Variants in LGSN observed in about 807,000 individuals in gnomAD.
The protein encoded by LGSN is lengsin, lens protein with glutamine synthetase domain.
In LGSN, 21 loss-of-function variants were observed where a neutral mutation model predicts 19.5. That is an observed-to-expected ratio of 1.07 (90% CI 0.76 to 1.55). The LOEUF is 1.55. Among genes scored for constraint, LGSN ranks in the 40% most tolerant of loss-of-function variants. The pLI is 0.00. For missense variants in LGSN, 673 were observed against 608.5 expected (o/e 1.11, Z -1.12); for synonymous variants, 257 against 215.6 (o/e 1.19, Z -1.68).
chr6:63,375,943 A>G, the LGSN span, among the ~76,000 whole-genome samples: 1 of 152,130 alleles, frequency 6.6e-6, no homozygotes, highest in Non-Finnish European at 1.5e-5. Flanking sequence ...CTTAGAACCA[A>G]ATGAAGTGAA....
At chr6:63,550,988 A>G in the LGSN span, among the ~76,000 whole-genome samples, 2 of 152,218 alleles carry the variant, frequency 1.3e-5, no homozygotes, top group Non-Finnish European at 2.9e-5. Context: ...ATACATGACC[A>G]TAATTACCTG....
At chr6:63,450,597 A>G in the LGSN span, among the ~76,000 whole-genome samples, 2 of 151,916 alleles carry the variant, frequency 1.3e-5, no homozygotes, top group Admixed American at 1.3e-4. Context: ...ACGTTAGTAA[A>G]CATGTTATCT....
At chr6:63,572,590 G>GCCGCCA in the LGSN span, 1 of 415,940 alleles carries the variant, frequency 2.4e-6, no homozygotes, top group Non-Finnish European at 4.2e-6. Flanking sequence ...CGCCTGCATC[G>GCCGCCA]CCGCCACCGC....
chr6:63,414,453 T>C, the LGSN span, among the ~76,000 whole-genome samples: 1 of 152,154 alleles, frequency 6.6e-6, no homozygotes. Flanking sequence ...AGATATGTAT[T>C]CTTTAGAAAA....
the LGSN span, among the ~76,000 whole-genome samples, chr6:63,399,207 G>A: frequency 3.2e-4 from 48 of 152,110 alleles, no homozygotes; most frequent in Non-Finnish European, 6.2e-4. Context: ...ACAGTATTCA[G>A]TACAGTAATG....
chr6:63,527,267 G>C, the LGSN span, among the ~76,000 whole-genome samples: 1 of 152,130 alleles, frequency 6.6e-6, no homozygotes, highest in Non-Finnish European at 1.5e-5. Flanking sequence ...CTTCTGAATT[G>C]CTTGTGTCTA....
chr6:63,535,956 A>G, the LGSN span, among the ~76,000 whole-genome samples: 19 of 151,774 alleles, frequency 1.3e-4, no homozygotes, highest in South Asian at 6.3e-4. Flanking sequence ...TATTTTTTGT[A>G]GAGACAGTGT....
the LGSN span, among the ~76,000 whole-genome samples, chr6:63,479,310 A>G: frequency 1.3e-5 from 2 of 152,132 alleles, no homozygotes; most frequent in Non-Finnish European, 2.9e-5. Context: ...GACAAACAAC[A>G]TTCACTATAA....
chr6:63,508,017 T>A, the LGSN span, among the ~76,000 whole-genome samples: 15 of 151,172 alleles, frequency 9.9e-5, no homozygotes, highest in African/African-American at 3.7e-4. Context: ...TATACCTAGT[T>A]GGATCCTAAT....
At chr6:63,465,167 C>G in the LGSN span, among the ~76,000 whole-genome samples, 2 of 151,938 alleles carry the variant, frequency 1.3e-5, no homozygotes, top group Non-Finnish European at 2.9e-5. Context: ...CGTCTATTTC[C>G]TTTTCGTTGT....
the LGSN span, among the ~76,000 whole-genome samples, chr6:63,461,648 G>A: frequency 0.019 from 2,874 of 152,248 alleles, 28 homozygotes; most frequent in South Asian, 0.048. Context: ...GAAAAACAAA[G>A]GCATCAAGAA....
chr6:63,337,658 G>A, the LGSN span, among the ~76,000 whole-genome samples: 447 of 151,652 alleles, frequency 2.9e-3, 2 homozygotes, highest in African/African-American at 0.01. Context: ...AAAAAATTTA[G>A]CCAGGCATGG....
intron 1 of LGSN, among the ~76,000 whole-genome samples, chr6:63,305,410 G>C (rs1473028777): frequency 1.3e-5 from 2 of 152,200 alleles, no homozygotes; most frequent in African/African-American, 2.4e-5. Flanking sequence ...CCAAAGGGAG[G>C]AATTGTTTAC....
the LGSN span, among the ~76,000 whole-genome samples, chr6:63,342,749 CT>C: frequency 6.6e-6 from 1 of 152,156 alleles, no homozygotes; most frequent in East Asian, 1.9e-4. Flanking sequence ...AATACTGTCC[CT>C]TTTTACATCG....
chr6:63,483,087 T>C, the LGSN span, among the ~76,000 whole-genome samples: 2 of 152,206 alleles, frequency 1.3e-5, no homozygotes, highest in African/African-American at 4.8e-5. Context: ...ACAAGCCAGA[T>C]ATGCATCTCT....
At chr6:63,352,230 T>C in the LGSN span, among the ~76,000 whole-genome samples, 1 of 152,248 alleles carries the variant, frequency 6.6e-6, no homozygotes, top group African/African-American at 2.4e-5. Context: ...AGCTAATGAT[T>C]CATGAAATAG....
the LGSN span, among the ~76,000 whole-genome samples, chr6:63,475,979 ACCCCTTCTGT>A: frequency 6.6e-6 from 1 of 152,086 alleles, no homozygotes; most frequent in African/African-American, 2.4e-5. Context: ...CAGAGTACTG[ACCCCTTCTGT>A]CTAATGTCAT....
chr6:63,566,539 G>T, the LGSN span, among the ~76,000 whole-genome samples: 1 of 152,166 alleles, frequency 6.6e-6, no homozygotes, highest in East Asian at 1.9e-4. Context: ...CAGAAAGGAA[G>T]TGGGGAAAAC....
the LGSN span, among the ~76,000 whole-genome samples, chr6:63,464,824 T>G: frequency 1.3e-5 from 2 of 151,824 alleles, no homozygotes; most frequent in Admixed American, 6.6e-5. Flanking sequence ...GTCAGGAGTT[T>G]GAGACCAGCC....
Sources: gnomAD v4.1 joint callset for allele counts (sites outside exome capture counted in the v4.1 genomes callset) on GRCh38, gnomAD v4.1.1 for gene constraint, MANE v1.5 for transcripts, NCBI Gene and HGNC (gene_info 2026-07-23, HGNC 2026-07-21) for gene names.